Variants in HDX observed in about 807,000 individuals in gnomAD.
The protein encoded by HDX is chromosome X open reading frame 43.
A neutral mutation model predicts 45.2 loss-of-function variants in HDX; 19 were observed. The observed-to-expected ratio is 0.42, with a 90% CI of 0.29 to 0.62. HDX has a LOEUF of 0.62. Among genes scored for constraint, HDX ranks in the 20% least tolerant of loss-of-function variants. HDX has a pLI of 0.20. For synonymous variants in HDX, 188 were observed against 172.8 expected (o/e 1.09, Z -0.69); for missense variants, 532 against 493.9 (o/e 1.08, Z -0.73).
At chrX:84,371,029 A>G (rs1426568213) in intron 5 of HDX, among the ~76,000 whole-genome samples, 1 of 112,479 alleles carries the variant, frequency 8.9e-6, no homozygotes, top group Non-Finnish European at 1.9e-5. Flanking sequence ...ACATATATGT[A>G]CAACACTTCT....
intron 5 of HDX, among the ~76,000 whole-genome samples, chrX:84,389,359 C>T (rs2038390131): frequency 1.8e-5 from 2 of 111,813 alleles, no homozygotes; most frequent in South Asian, 7.5e-4. Context: ...CTGGACCAGC[C>T]TGGCAGAGGA....
chrX:84,472,702 A>G (rs746257234), intron 3 of HDX, among the ~76,000 whole-genome samples: 49 of 111,445 alleles, frequency 4.4e-4, no homozygotes, highest in African/African-American at 1.5e-3. Context: ...GGCACAGTAT[A>G]ATAATTGATT....
At chrX:84,378,655 C>A (rs1261414360) in intron 5 of HDX, among the ~76,000 whole-genome samples, 1 of 110,814 alleles carries the variant, frequency 9.0e-6, no homozygotes, top group African/African-American at 3.3e-5. Flanking sequence ...ACAACAGATA[C>A]ACAAAAAATA....
intron 1 of HDX, among the ~76,000 whole-genome samples, chrX:84,499,345 A>G (rs936256414): frequency 9.0e-6 from 1 of 111,123 alleles, no homozygotes; most frequent in Non-Finnish European, 1.9e-5. Flanking sequence ...CGCATGTCAC[A>G]CTCAGTTTTT....
intron 1 of HDX, among the ~76,000 whole-genome samples, chrX:84,494,801 C>G (rs768282972): frequency 9.0e-6 from 1 of 111,420 alleles, no homozygotes; most frequent in South Asian, 3.7e-4. Context: ...AAAAATAGAA[C>G]TCCTACCACA....
chrX:84,387,078 C>A (rs1354412084), intron 5 of HDX, among the ~76,000 whole-genome samples: 1 of 111,370 alleles, frequency 9.0e-6, no homozygotes, highest in Non-Finnish European at 1.9e-5. Flanking sequence ...AAATTTTTGA[C>A]TTAAGTTTGA....
At chrX:84,436,617 A>G (rs1189889370) in intron 5 of HDX, among the ~76,000 whole-genome samples, 2 of 111,249 alleles carry the variant, frequency 1.8e-5, no homozygotes, top group Non-Finnish European at 1.9e-5. Flanking sequence ...TTTATTTTCT[A>G]TGTATTTGTA....
chrX:84,405,529 G>A (rs2147967363), intron 5 of HDX, among the ~76,000 whole-genome samples: 1 of 105,552 alleles, frequency 9.5e-6, no homozygotes, highest in Admixed American at 1.0e-4. Flanking sequence ...AAATGATACT[G>A]TCATATCACT....
chrX:84,340,166 G>A (rs983836297), intron 7 of HDX, among the ~76,000 whole-genome samples: 1 of 111,008 alleles, frequency 9.0e-6, no homozygotes, highest in Admixed American at 9.6e-5. Context: ...TATTAGGGAA[G>A]TATCTACCCT....
chrX:84,454,759 G>A (rs5968327), intron 4 of HDX, among the ~76,000 whole-genome samples: 3,837 of 110,816 alleles, frequency 0.035, 128 homozygotes, highest in African/African-American at 0.11. Context: ...CATGGACCTG[G>A]GGTGAGATCC....
At chrX:84,343,164 T>C (rs959582278) in intron 7 of HDX, among the ~76,000 whole-genome samples, 1 of 111,194 alleles carries the variant, frequency 9.0e-6, no homozygotes, top group Non-Finnish European at 1.9e-5. Flanking sequence ...ATTGGAGAGA[T>C]GAAACTGATA....
intron 4 of HDX, among the ~76,000 whole-genome samples, chrX:84,467,968 G>C: frequency 9.0e-6 from 1 of 111,600 alleles, no homozygotes; most frequent in Middle Eastern, 4.6e-3. Context: ...TTTTAATAAA[G>C]CATTTACATT....
At chrX:84,374,282 A>G (rs1313331710) in intron 5 of HDX, among the ~76,000 whole-genome samples, 4 of 110,174 alleles carry the variant, frequency 3.6e-5, no homozygotes, top group Non-Finnish European at 7.6e-5. Context: ...ATGGAAGAAC[A>G]TTCCATGCTC....
chrX:84,362,192 G>A (rs935884491), intron 5 of HDX, among the ~76,000 whole-genome samples: 4 of 111,144 alleles, frequency 3.6e-5, no homozygotes, highest in Non-Finnish European at 5.7e-5. Flanking sequence ...TTATGGCCTC[G>A]TCAAGTTTCA....
intron 1 of HDX, among the ~76,000 whole-genome samples, chrX:84,499,857 A>C (rs1308470439): frequency 8.9e-6 from 1 of 111,969 alleles, no homozygotes; most frequent in Non-Finnish European, 1.9e-5. Context: ...ATATAATAGC[A>C]ATTGTAACAA....
At chrX:84,345,125 C>G (rs1209317232) in intron 6 of HDX, among the ~76,000 whole-genome samples, 2 of 111,331 alleles carry the variant, frequency 1.8e-5, no homozygotes, top group Non-Finnish European at 3.8e-5. Context: ...ATTTTCAAGA[C>G]ATTTTGTAAT....
At position 84,468,474 on chromosome X, in the gene HDX, G is replaced by T; in HGVS notation, c.1249C>A (p.Gln417Lys). 1 of 1,121,355 alleles carries T rather than the reference G, an allele frequency of 8.9e-7. No homozygotes were observed. Among genetic ancestry groups the T allele is most frequent in the Non-Finnish European group, 1.2e-6 (1 of 834,012 alleles). 92.4% of individuals were successfully genotyped at this position (1,121,355 alleles called of 1,213,427 possible). A position where few individuals can be genotyped will look rare whatever the true frequency, so the allele number is the denominator to read the frequency against. Residue 417 changes from glutamine to lysine, a missense_variant and splice_region_variant, in exon 4 of 11, where the codon CAG (glutamine) becomes AAG (lysine). Gln to Lys is a moderately conservative substitution (Grantham distance 53). This residue lies in a region of HDX where 376 missense variants were observed against 343.7 expected (regional missense o/e 1.09). Coordinates refer to ENST00000373177, the MANE Select transcript of HDX (RefSeq NM_001177479.2). ...LRLSQNQNNYQISGNLTVPWI... is the reference protein window; with the variant it reads ...LRLSQNQNNYKISGNLTVPWI... Reference sequence around the variant, plus strand: ...TATAAAATAAATTTACACATTACCTGGTAATTGTTTTGGTTTTGTGATAAT... The same window carrying T: ...TATAAAATAAATTTACACATTACCTTGTAATTGTTTTGGTTTTGTGATAAT...
At chrX:84,421,856 T>C (rs1361525490) in intron 5 of HDX, among the ~76,000 whole-genome samples, 1 of 110,753 alleles carries the variant, frequency 9.0e-6, no homozygotes, top group Non-Finnish European at 1.9e-5. Context: ...AGCAAGAGGA[T>C]ATAAGAAATT....
chrX:84,332,288 G>A (rs1293328609), intron 9 of HDX, among the ~76,000 whole-genome samples: 3 of 111,634 alleles, frequency 2.7e-5, no homozygotes, highest in Non-Finnish European at 5.7e-5. Flanking sequence ...GAACTGCCAA[G>A]CCTGAGACAC....
Sources: allele counts gnomAD v4.1 joint callset (sites outside exome capture counted in the v4.1 genomes callset), GRCh38; gene constraint gnomAD v4.1.1; regional missense constraint gnomAD v4.1.1; transcripts MANE v1.5; gene names NCBI Gene and HGNC (gene_info 2026-07-23, HGNC 2026-07-21).